Variants in FAM222A observed in about 807,000 individuals in gnomAD.
FAM222A encodes the protein family with sequence similarity 222 member A, also known as protein FAM222A.
FAM222A carries 7 observed loss-of-function variants against 25.8 expected under a neutral mutation model. That is an observed-to-expected ratio of 0.27 (90% CI 0.15 to 0.51). The LOEUF (loss-of-function observed/expected upper bound fraction) is 0.51, where lower values mean the gene tolerates loss of function less well. Among genes scored for constraint, FAM222A ranks in the 20% least tolerant of loss-of-function variants. The pLI, the probability that FAM222A is intolerant of heterozygous loss-of-function variation, is 0.97. For missense variants in FAM222A, 573 were observed against 640.5 expected, an observed-to-expected ratio of 0.89 and a Z score of 1.14; for synonymous variants, 294 against 298.8, an observed-to-expected ratio of 0.98 and a Z score of 0.17.
intron 1 of FAM222A, among the ~76,000 whole-genome samples, chr12:109,732,829 G>C (rs1269391255): frequency 6.6e-6 from 1 of 152,248 alleles, no homozygotes; most frequent in South Asian, 2.1e-4. Context: ...CTCAGGCCAG[G>C]CCCATCATCC....
chr12:109,743,304 G>A (rs539899597), intron 1 of FAM222A, among the ~76,000 whole-genome samples: 11 of 152,330 alleles, frequency 7.2e-5, no homozygotes, highest in Admixed American at 5.2e-4. Flanking sequence ...CTGCAGGAGA[G>A]TGGGTTTGGG....
intron 2 of FAM222A, among the ~76,000 whole-genome samples, chr12:109,766,016 T>C (rs1349026917): frequency 2.0e-5 from 3 of 152,096 alleles, no homozygotes; most frequent in African/African-American, 7.2e-5. Context: ...AGAGGCCGAG[T>C]GGTGAAGCTC....
chr12:109,758,965 G>A (rs1026772494), intron 2 of FAM222A, among the ~76,000 whole-genome samples: 3 of 152,226 alleles, frequency 2.0e-5, no homozygotes. Flanking sequence ...CACCTACTGT[G>A]TGCTTGCACA....
intron 2 of FAM222A, among the ~76,000 whole-genome samples, chr12:109,761,443 G>A (rs1314652686): frequency 6.6e-6 from 1 of 152,180 alleles, no homozygotes; most frequent in Non-Finnish European, 1.5e-5. Context: ...CTGGCTGCTG[G>A]CAATTATAGA....
intron 1 of FAM222A, among the ~76,000 whole-genome samples, chr12:109,722,023 G>C (rs1428887930): frequency 6.6e-6 from 1 of 152,188 alleles, no homozygotes; most frequent in Non-Finnish European, 1.5e-5. Flanking sequence ...TTCACAGCCT[G>C]GGACAGGGCT....
At chr12:109,728,321 A>AGGGGTCCC (rs1267911877) in intron 1 of FAM222A, among the ~76,000 whole-genome samples, 2 of 151,692 alleles carry the variant, frequency 1.3e-5, no homozygotes, top group Non-Finnish European at 2.9e-5. Context: ...GTGACTCGTC[A>AGGGGTCCC]GGGGTCCCAG....
chr12:109,765,310 A>G (rs1013078357), intron 2 of FAM222A, among the ~76,000 whole-genome samples: 5 of 152,064 alleles, frequency 3.3e-5, no homozygotes, highest in Non-Finnish European at 7.4e-5. Context: ...TAGCACCTCT[A>G]CCCCTAGCTG....
intron 2 of FAM222A, among the ~76,000 whole-genome samples, chr12:109,759,881 G>A (rs947954824): frequency 1.3e-5 from 2 of 152,192 alleles, no homozygotes; most frequent in Non-Finnish European, 2.9e-5. Context: ...ATGTCAGGGT[G>A]GTGAGAAAAA....
rs1252672243 is a variant in FAM222A, at chr12:109,769,981, A to G, written c.*693A>G. 6.6e-6 allele frequency: 1 copy of G among 152,274 alleles called. No individual in the cohort carries two copies. The highest frequency in any genetic ancestry group is 1.5e-5 in the Non-Finnish European group (1 of 68,178). The allele number at this position is 152,274 out of a possible 1,614,324, so 9.4% of individuals were successfully genotyped here. On this transcript the variant is annotated 3_prime_UTR_variant, in exon 3 of 3. Transcript: ENST00000538780. Reference sequence around the variant, plus strand: ...AATACATCTTATAGGGCTGCTGGGTACAGTTGTTCAGGCTGTGCACTGCAC... The same window carrying G: ...AATACATCTTATAGGGCTGCTGGGTGCAGTTGTTCAGGCTGTGCACTGCAC...
chr12:109,766,211 T>G (rs1183264276), intron 2 of FAM222A, among the ~76,000 whole-genome samples: 1 of 152,212 alleles, frequency 6.6e-6, no homozygotes, highest in Non-Finnish European at 1.5e-5. Flanking sequence ...CCATTCCATC[T>G]GCCTCATGGA....
intron 2 of FAM222A, among the ~76,000 whole-genome samples, chr12:109,762,516 A>C (rs1345089265): frequency 6.6e-6 from 1 of 152,166 alleles, no homozygotes; most frequent in Non-Finnish European, 1.5e-5. Context: ...CCTCCCCACC[A>C]TCCTTGCCAC....
chr12:109,714,626 A>G lies in FAM222A; in HGVS notation c.-318A>G, dbSNP rs1023593473. 4 of 151,780 alleles carry G rather than the reference A, an allele frequency of 2.6e-5. No homozygotes were observed. The highest frequency in any genetic ancestry group is 4.4e-5 in the Non-Finnish European group (3 of 67,892). 9.4% of individuals were successfully genotyped at this position (151,780 alleles called of 1,614,324 possible). A position where few individuals can be genotyped will look rare whatever the true frequency, so the allele number is the denominator to read the frequency against. On this transcript the variant is annotated 5_prime_UTR_variant, in exon 1 of 3. Transcript: ENST00000538780. This position sits in a 1 kb window ranked among gnomAD's most constrained non-coding sequence, Gnocchi z 4.2. ...GACGTGGCGATCACGGGCCCCGGCGAAGATGCGTCGCCTGAGCGCCCGCGC... is the reference window on the plus strand; with the variant it reads ...GACGTGGCGATCACGGGCCCCGGCGGAGATGCGTCGCCTGAGCGCCCGCGC...
In FAM222A at chr12:109,714,326, G is replaced by GCCGGTGT. The variant is rs1170468660; in HGVS notation, c.-617_-611dup. The GCCGGTGT allele has an allele frequency of 6.4e-6, 1 of 155,048 alleles. No individual in the cohort carries two copies. Among genetic ancestry groups the GCCGGTGT allele is most frequent in the African/African-American group, 2.4e-5 (1 of 41,438 alleles). 9.6% of individuals were successfully genotyped at this position (155,048 alleles called of 1,614,324 possible). On this transcript the variant is annotated 5_prime_UTR_variant, in exon 1 of 3. Transcript: ENST00000538780. The surrounding 1 kb of genome is among the most constrained non-coding windows in gnomAD (Gnocchi z 4.2). ...CCGCTGTTCTTTGCAACCTGCAGGG[G>GCCGGTGT]CCGGTGTATGTCCGGCGAGGAGCCG...
At chr12:109,728,907 A>C (rs1312568141) in intron 1 of FAM222A, among the ~76,000 whole-genome samples, 1 of 151,850 alleles carries the variant, frequency 6.6e-6, no homozygotes, top group Non-Finnish European at 1.5e-5. Context: ...CCGAACCCCT[A>C]CTATGCTCCT....
chr12:109,764,619 C>T (rs1216171130), intron 2 of FAM222A, among the ~76,000 whole-genome samples: 1 of 152,194 alleles, frequency 6.6e-6, no homozygotes, highest in Non-Finnish European at 1.5e-5. Flanking sequence ...AACAAAAATA[C>T]ATACAGATAT....
chr12:109,730,588 A>G (rs941871835), intron 1 of FAM222A, among the ~76,000 whole-genome samples: 3 of 151,866 alleles, frequency 2.0e-5, no homozygotes, highest in African/African-American at 7.3e-5. Flanking sequence ...CCTCGGAAGG[A>G]CCCCTCTTCT....
chr12:109,770,120 G>C lies in FAM222A; in HGVS notation c.*832G>C, dbSNP rs1381717022. 6.6e-6 allele frequency: 1 copy of C among 152,296 alleles called. No homozygotes were observed. The highest frequency in any genetic ancestry group is 1.5e-5 in the Non-Finnish European group (1 of 68,036). 9.4% of individuals were successfully genotyped at this position (152,296 alleles called of 1,614,324 possible). On this transcript the variant is annotated 3_prime_UTR_variant, in exon 3 of 3. Coordinates refer to ENST00000538780, the MANE Select transcript of FAM222A (RefSeq NM_032829.3). Reference sequence around the variant, plus strand: ...TCCTGTTCGCACAAAGGCACCACAGGGGCTAACAGTGGGCCTGCAATCTTA... The same window carrying C: ...TCCTGTTCGCACAAAGGCACCACAGCGGCTAACAGTGGGCCTGCAATCTTA...
intron 1 of FAM222A, among the ~76,000 whole-genome samples, chr12:109,735,202 C>T (rs1054300390): frequency 3.3e-5 from 5 of 152,220 alleles, no homozygotes; most frequent in Non-Finnish European, 5.9e-5. Context: ...GCACAAGGAC[C>T]CAGTCTTCTT....
At chr12:109,723,428 A>T (rs1004850880) in intron 1 of FAM222A, among the ~76,000 whole-genome samples, 3 of 152,116 alleles carry the variant, frequency 2.0e-5, no homozygotes, top group African/African-American at 7.2e-5. Flanking sequence ...CTCAGTCTTG[A>T]ACCTGCCATT....
Sources: gnomAD v4.1 joint callset for allele counts (sites outside exome capture counted in the v4.1 genomes callset) on GRCh38, gnomAD v4.1.1 for gene constraint, Gnocchi (gnomAD v3.1) non-coding constraint, MANE v1.5 for transcripts, NCBI Gene and HGNC (gene_info 2026-07-23, HGNC 2026-07-21) for gene names.